The following ZFAND1 variants were observed in gnomAD, a reference collection of about 807,000 sequenced individuals.
ZFAND1 encodes the protein zinc finger AN1-type containing 1.
ZFAND1 carries 40 observed loss-of-function variants against 38.5 expected under a neutral mutation model. The observed-to-expected ratio is 1.04, with a 90% CI of 0.81 to 1.35. The LOEUF (loss-of-function observed/expected upper bound fraction) is 1.35, where lower values mean the gene tolerates loss of function less well. Ranked by LOEUF, ZFAND1 falls within the 40% of genes most tolerant of loss-of-function variation. ZFAND1 has a pLI of 0.00. For synonymous variants in ZFAND1, 117 were observed against 103.6 expected (o/e 1.13, Z -0.78); for missense variants, 346 against 316.3 (o/e 1.09, Z -0.71).
chr8:81,702,259 T>C lies in ZFAND1; in HGVS notation c.*436A>G, dbSNP rs1807832666. 6.5e-6 allele frequency: 1 copy of C among 152,878 alleles called. No individual in the cohort carries two copies. 9.5% of individuals were successfully genotyped at this position (152,878 alleles called of 1,614,324 possible). A position where few individuals can be genotyped will look rare whatever the true frequency, so the allele number is the denominator to read the frequency against. On this transcript the variant is annotated 3_prime_UTR_variant, in exon 8 of 8. Coordinates refer to ENST00000220669, the MANE Select transcript of ZFAND1 (RefSeq NM_024699.3). ...CCACATGACTTGCTTAAAGCACGTA[T>C]GATACATGCATCTTTTAAGAGAAAA...
In ZFAND1 at chr8:81,701,917, T is replaced by C. The variant is rs1206151952; in HGVS notation, c.*778A>G. 2 of 152,240 alleles carry C rather than the reference T, an allele frequency of 1.3e-5. No homozygotes were observed. Among genetic ancestry groups the C allele is most frequent in the African/African-American group, 2.4e-5 (1 of 41,466 alleles). 9.4% of individuals were successfully genotyped at this position (152,240 alleles called of 1,614,324 possible). On this transcript the variant is annotated 3_prime_UTR_variant, in exon 8 of 8. Transcript: ENST00000220669. Reference sequence around the variant, plus strand: ...ATATGTTGGTAAAATGTAGTCATCATTTGGCATGTGTTTTGCTTTGGTATA... The same window carrying C: ...ATATGTTGGTAAAATGTAGTCATCACTTGGCATGTGTTTTGCTTTGGTATA...
At chr8:81,714,568 A>C in intron 5 of ZFAND1, 1 of 453,032 alleles carries the variant, frequency 2.2e-6, no homozygotes, top group South Asian at 2.4e-5. Flanking sequence ...TAGCTAATCT[A>C]AGTGGCTCAG....
chr8:81,714,265 T>A, intron 5 of ZFAND1: 1 of 427,452 alleles, frequency 2.3e-6, no homozygotes, highest in Non-Finnish European at 4.1e-6. Context: ...TATAATGTGC[T>A]TCTTTTCAAC....
rs73694732 is a variant in ZFAND1 at position 81,716,050 on chromosome 8, C to G, written c.139-936G>C. Among the ~76,000 whole-genome samples, 222 of 152,266 alleles carry G rather than the reference C, an allele frequency of 1.5e-3. 1 individual carries two copies. Among genetic ancestry groups the G allele is most frequent in the Non-Finnish European group, 2.4e-3 (161 of 68,018 alleles). ...ATTCAAATTTTCCTCAAATAGATCA[C>G]GTAAACTTCAAAGGGTCAGATTTTG... On this transcript the variant is annotated intron_variant, in intron 3 of 7. Coordinates refer to ENST00000220669, the MANE Select transcript of ZFAND1 (RefSeq NM_024699.3).
At chr8:81,721,149 G>A in intron 1 of ZFAND1, 78 bp downstream of exon 1, 3 of 1,522,412 alleles carry the variant, frequency 2.0e-6, no homozygotes, top group South Asian at 2.4e-5. Context: ...CCCTTCACCC[G>A]CCGCCACCAT....
At chr8:81,718,148 T>G (rs1426557092) in intron 2 of ZFAND1, 34 bp downstream of exon 2, 6 of 1,517,994 alleles carry the variant, frequency 4.0e-6, no homozygotes, top group Admixed American at 2.0e-5. Context: ...AACACTAAAA[T>G]TACTCCCAAA....
rs1175935227 is a variant in ZFAND1, at chr8:81,720,838, T to C, written c.55+389A>G. On this transcript the variant is annotated intron_variant, in intron 1 of 7. Transcript: ENST00000220669. The stretch of plus-strand genomic sequence containing the variant: ...GACACGGCACACTCGAACACCAAAA[T>C]GAACACTGCAAGGTACGTTTTCAGG... 6 of 301,878 alleles carry C rather than the reference T, an allele frequency of 2.0e-5. No individual in the cohort carries two copies. In the Admixed American group the frequency reaches 2.5e-4, roughly 13 times the overall value. 18.7% of individuals were successfully genotyped at this position (301,878 alleles called of 1,614,324 possible). A position where few individuals can be genotyped will look rare whatever the true frequency, so the allele number is the denominator to read the frequency against.
In ZFAND1 at chr8:81,701,705, A is replaced by T. The variant is rs1807817056; in HGVS notation, c.*990T>A. 6.6e-6 allele frequency: 1 copy of T among 152,258 alleles called. No homozygotes were observed. The highest frequency in any genetic ancestry group is 2.4e-5 in the African/African-American group (1 of 41,466). 9.4% of individuals were successfully genotyped at this position (152,258 alleles called of 1,614,324 possible). On this transcript the variant is annotated 3_prime_UTR_variant, in exon 8 of 8. Transcript: ENST00000220669. ...ACATAAAAATAATATGAAGAATTAG[A>T]AAGGAAATAAACCAAATGAGCATTC...
rs1177702988 is a variant in ZFAND1, at chr8:81,701,508, T to A, written c.*1187A>T. 6.6e-6 allele frequency: 1 copy of A among 152,222 alleles called. No individual in the cohort carries two copies. The highest frequency in any genetic ancestry group is 1.5e-5 in the Non-Finnish European group (1 of 68,042). 9.4% of individuals were successfully genotyped at this position (152,222 alleles called of 1,614,324 possible). ...CTCCAATATTTGCTTTGTGTGGTAG[T>A]CTGAAACTGAACCCACAATATTTCC... On this transcript the variant is annotated 3_prime_UTR_variant, in exon 8 of 8. Transcript: ENST00000220669.
intron 6 of ZFAND1, among the ~76,000 whole-genome samples, chr8:81,704,236 GCC>G (rs1350591511): frequency 6.6e-6 from 1 of 151,976 alleles, no homozygotes; most frequent in Non-Finnish European, 1.5e-5. Context: ...GTATTTTCTT[GCC>G]TAATTAACAA....
intron 2 of ZFAND1, among the ~76,000 whole-genome samples, 170 bp from the exon 3 acceptor site, chr8:81,717,458 G>C (rs1808351375): frequency 6.6e-6 from 1 of 152,116 alleles, no homozygotes. Context: ...AGCATCTATA[G>C]TCTCAAAAGT....
chr8:81,714,914 T>G lies in ZFAND1; in HGVS notation c.267-19A>C. On this transcript the variant is annotated intron_variant, in intron 4 of 7. Transcript: ENST00000220669. ...ACGGTGTCTATGAGCAACAGAAGAG[T>G]GACACTAGTTCATGTGTTTGTATAG... 6.2e-7 allele frequency: 1 copy of G among 1,613,892 alleles called. No homozygotes were observed. Among genetic ancestry groups the G allele is most frequent in the Non-Finnish European group, 8.5e-7 (1 of 1,179,870 alleles).
At chr8:81,719,861 A>G (rs1278734178) in intron 1 of ZFAND1, among the ~76,000 whole-genome samples, 1 of 152,226 alleles carries the variant, frequency 6.6e-6, no homozygotes, top group Non-Finnish European at 1.5e-5. Flanking sequence ...TCACTAGCGA[A>G]GGATCAGGCA....
chr8:81,718,990 A>C (rs7816946), intron 1 of ZFAND1, among the ~76,000 whole-genome samples: 79,030 of 151,556 alleles, frequency 0.52, 21,678 homozygotes, highest in South Asian at 0.61. Flanking sequence ...TTCTGTGTAT[A>C]TATGTATATG....
intron 1 of ZFAND1, among the ~76,000 whole-genome samples, chr8:81,719,310 A>AAC (rs71268018): frequency 0.21 from 25,871 of 124,686 alleles, 2,906 homozygotes; most frequent in Non-Finnish European, 0.27. Context: ...CTCTACTGAA[A>AAC]ACACACACAC....
At chr8:81,709,887 A>G (rs1440970565) in intron 6 of ZFAND1, among the ~76,000 whole-genome samples, 3 of 152,234 alleles carry the variant, frequency 2.0e-5, no homozygotes, top group Non-Finnish European at 2.9e-5. Context: ...TGCATACCTT[A>G]TAAACTTGTT....
intron 6 of ZFAND1, among the ~76,000 whole-genome samples, chr8:81,706,501 A>G (rs1807989610): frequency 6.6e-6 from 1 of 151,682 alleles, no homozygotes; most frequent in African/African-American, 2.4e-5. Context: ...TCAAGCTCGT[A>G]TTCAGGAGGA....
At chr8:81,708,802 T>TA in intron 6 of ZFAND1, 1 of 1,264,986 alleles carries the variant, frequency 7.9e-7, no homozygotes. Context: ...TTAGTGCTCT[T>TA]AAAAATACTT....
chr8:81,705,360 T>A (rs1025810241), intron 6 of ZFAND1, among the ~76,000 whole-genome samples: 5 of 146,630 alleles, frequency 3.4e-5, no homozygotes, highest in African/African-American at 1.2e-4. Flanking sequence ...ACAGCTGAAC[T>A]TTAAAAAGAC....
Sources: gnomAD v4.1 joint callset for allele counts (sites outside exome capture counted in the v4.1 genomes callset) on GRCh38, gnomAD v4.1.1 for gene constraint, MANE v1.5 for transcripts, NCBI Gene and HGNC (gene_info 2026-07-23, HGNC 2026-07-21) for gene names.